UBE2H: variants seen among roughly 807,000 people sequenced by gnomAD.
UBE2H encodes the protein ubiquitin conjugating enzyme E2 H.
A neutral mutation model predicts 29.0 loss-of-function variants in UBE2H; 3 were observed. The ratio of observed to expected loss-of-function variants is 0.10; its 90% CI spans 0.05 to 0.27. UBE2H has a LOEUF of 0.27. UBE2H is among the 10% of genes least tolerant of loss of function. The pLI, the probability that UBE2H is intolerant of heterozygous loss-of-function variation, is 1.00. For missense variants in UBE2H, 68 were observed against 228.2 expected, an observed-to-expected ratio of 0.30 and a Z score of 4.52; for synonymous variants, 69 against 82.9, an observed-to-expected ratio of 0.83 and a Z score of 0.91.
intron 1 of UBE2H, among the ~76,000 whole-genome samples, chr7:129,924,737 T>C (rs1807230469): frequency 6.6e-6 from 1 of 151,998 alleles, no homozygotes; most frequent in South Asian, 2.1e-4. Flanking sequence ...CAACTCCTTA[T>C]TTGATAGATA....
At chr7:129,947,223 T>C (rs1036842546) in intron 1 of UBE2H, among the ~76,000 whole-genome samples, 2 of 152,338 alleles carry the variant, frequency 1.3e-5, no homozygotes, top group East Asian at 1.9e-4. Context: ...CTCATGTAGG[T>C]TCCTGCCTAA....
Position 129,900,781 on chromosome 7 carries a change from C to T in UBE2H, c.54-19810G>A, listed in dbSNP as rs1238303429. Reference sequence around the variant, plus strand: ...TTTTTTTTTTTTTGAGACAGAGTCTCACTCTGTCACCCAGGCTGGAGTGCA... The same window carrying T: ...TTTTTTTTTTTTTGAGACAGAGTCTTACTCTGTCACCCAGGCTGGAGTGCA... On this transcript the variant is annotated intron_variant, in intron 1 of 6. Transcript: ENST00000355621. Among the ~76,000 whole-genome samples the T allele has an allele frequency of 3.5e-5, 5 of 143,752 alleles. No homozygotes were observed. In the East Asian group the frequency reaches 1.0e-3, roughly 29 times the overall value. The allele number at this position is 143,752 out of a possible 152,430, so 94.3% of individuals were successfully genotyped here. A position where few individuals can be genotyped will look rare whatever the true frequency, so the allele number is the denominator to read the frequency against.
chr7:129,907,137 G>GTT lies in UBE2H; in HGVS notation c.54-26168_54-26167dup, dbSNP rs3832461. Among the ~76,000 whole-genome samples the GTT allele has an allele frequency of 3.1e-3, 467 of 150,486 alleles. 1 individual carries two copies. Among genetic ancestry groups the GTT allele is most frequent in the African/African-American group, 8.3e-3 (339 of 41,028 alleles). ...AAGCCATTTATTAGGGGGTGTTCTT[G>GTT]TTTTTTTTTGAGCAAAGTGCTAAAA... On this transcript the variant is annotated intron_variant, in intron 1 of 6. Transcript: ENST00000355621.
chr7:129,932,523 A>C (rs1022279731), intron 1 of UBE2H, among the ~76,000 whole-genome samples: 3 of 151,760 alleles, frequency 2.0e-5, no homozygotes, highest in African/African-American at 7.3e-5. Flanking sequence ...GATCTTCCAA[A>C]TGTTGACACC....
intron 1 of UBE2H, among the ~76,000 whole-genome samples, chr7:129,921,694 C>CAAAAAAAAAAAAAAAAA (rs1047164274): frequency 1.5e-5 from 1 of 68,510 alleles, no homozygotes; most frequent in Non-Finnish European, 3.0e-5. Flanking sequence ...GACTCTGTCA[C>CAAAAAAAAAAAAAAAAA]AAAAAAAAAA....
At chr7:129,939,064 G>T (rs751464717) in intron 1 of UBE2H, among the ~76,000 whole-genome samples, 1 of 152,174 alleles carries the variant, frequency 6.6e-6, no homozygotes, top group Non-Finnish European at 1.5e-5. Flanking sequence ...GTCCCAAAGT[G>T]CTACGATTAC....
intron 5 of UBE2H, among the ~76,000 whole-genome samples, chr7:129,854,300 T>C (rs1380571289): frequency 6.6e-6 from 1 of 152,190 alleles, no homozygotes; most frequent in Non-Finnish European, 1.5e-5. Flanking sequence ...ACCAGTACTT[T>C]ATATAATTGT....
At chr7:129,912,888 C>T (rs1046149398) in intron 1 of UBE2H, among the ~76,000 whole-genome samples, 1 of 152,080 alleles carries the variant, frequency 6.6e-6, no homozygotes, top group Non-Finnish European at 1.5e-5. Context: ...TAAAAATTTT[C>T]CTCAAATATT....
chr7:129,832,058 G>C lies in UBE2H; in HGVS notation c.*2879C>G, dbSNP rs1805238326. ...CTGGATGCTCTCCTGAGTGTTGGAA[G>C]GGCAGCCTGGAAAGGCATTTGGTGG... On this transcript the variant is annotated 3_prime_UTR_variant, in exon 7 of 7. Transcript: ENST00000355621. The C allele has an allele frequency of 6.6e-6, 1 of 152,232 alleles. No homozygotes were observed. The highest frequency in any genetic ancestry group is 2.4e-5 in the African/African-American group (1 of 41,442). 9.4% of individuals were successfully genotyped at this position (152,232 alleles called of 1,614,324 possible).
At chr7:129,849,924 AT>A (rs1268664312) in intron 5 of UBE2H, among the ~76,000 whole-genome samples, 1 of 152,254 alleles carries the variant, frequency 6.6e-6, no homozygotes, top group African/African-American at 2.4e-5. Flanking sequence ...ATATTAGCCC[AT>A]GGGGATCTTT....
At chr7:129,867,172 G>A (rs2116336713) in intron 3 of UBE2H, among the ~76,000 whole-genome samples, 1 of 152,198 alleles carries the variant, frequency 6.6e-6, no homozygotes, top group Admixed American at 6.5e-5. Context: ...TTTATTATTT[G>A]TGTGACACAG....
chr7:129,879,484 C>T (rs1247702761), intron 3 of UBE2H, 84 bp downstream of exon 3: 1 of 1,275,590 alleles, frequency 7.8e-7, no homozygotes, highest in African/African-American at 1.5e-5. Flanking sequence ...CCATTTCTGG[C>T]ATTAATTACC....
At chr7:129,859,549 T>TA (rs1373187656) in intron 3 of UBE2H, among the ~76,000 whole-genome samples, 29 of 152,084 alleles carry the variant, frequency 1.9e-4, no homozygotes, top group Admixed American at 5.9e-4. Flanking sequence ...AGCAAGGAGT[T>TA]AAAAAAAATA....
Position 129,952,539 on chromosome 7 carries a change from G to A in UBE2H, c.17C>T (p.Pro6Leu). MSSPS[P>L]GKRRMDTDVV... ...GTCCGTGTCCATCCGCCTCTTGCCC[G>A]GACTGGGAGATGACATGGTGTCGCC... Residue 6 changes from proline (P) to leucine (L), a missense_variant, in exon 1 of 7, where the codon CCG becomes CTG. This residue lies in a region of UBE2H where 40 missense variants were observed against 174.1 expected (regional missense o/e 0.23). Transcript: ENST00000355621. 2.5e-6 allele frequency: 4 copies of A among 1,612,824 alleles called. No homozygotes were observed. Among genetic ancestry groups the A allele is most frequent in the South Asian group, 2.2e-5 (2 of 90,988 alleles).
rs1186584192 is a variant in UBE2H, at chr7:129,879,670, G to A, written c.131-28C>T. 4 of 1,563,738 alleles carry A rather than the reference G, an allele frequency of 2.6e-6. No homozygotes were observed. In the East Asian group the frequency reaches 9.0e-5, roughly 35 times the overall value. ...GAAATAAAAGTAAAAATGTTCATCA[G>A]AACTACATCTCCAAATTAGAAAATA... On this transcript the variant is annotated intron_variant, in intron 2 of 6. Coordinates refer to ENST00000355621, the MANE Select transcript of UBE2H (RefSeq NM_003344.4).
At chr7:129,836,897 A>AAAAAAAAAAAAAAAAAAAAAAAAC (rs1805339537) in intron 6 of UBE2H, among the ~76,000 whole-genome samples, 1 of 84,348 alleles carries the variant, frequency 1.2e-5, no homozygotes, top group African/African-American at 4.7e-5. Context: ...AAAAAAAAAA[A>AAAAAAAAAAAAAAAAAAAAAAAAC]AAAAAAAAAA....
chr7:129,879,086 G>A (rs1013848174), intron 3 of UBE2H, among the ~76,000 whole-genome samples: 4 of 152,124 alleles, frequency 2.6e-5, no homozygotes. Flanking sequence ...TGTTTAGGGG[G>A]CTAAAGAGAC....
At chr7:129,838,883 T>C (rs1434500184) in intron 6 of UBE2H, among the ~76,000 whole-genome samples, 1 of 152,174 alleles carries the variant, frequency 6.6e-6, no homozygotes, top group Non-Finnish European at 1.5e-5. Context: ...GTGATCCGCC[T>C]GCCTCGGGCT....
intron 1 of UBE2H, among the ~76,000 whole-genome samples, chr7:129,910,684 C>T (rs1406979185): frequency 6.6e-6 from 1 of 151,526 alleles, no homozygotes; most frequent in Non-Finnish European, 1.5e-5. Flanking sequence ...GAGTTCAAGA[C>T]CAGCCTGGAC....
Sources: allele counts gnomAD v4.1 joint callset (sites outside exome capture counted in the v4.1 genomes callset), GRCh38; gene constraint gnomAD v4.1.1; regional missense constraint gnomAD v4.1.1; transcripts MANE v1.5; gene names NCBI Gene and HGNC (gene_info 2026-07-23, HGNC 2026-07-21).